NAV1: variants seen among roughly 807,000 people sequenced by gnomAD.
NAV1 encodes the protein neuron navigator 1, also known as pore membrane and/or filament interacting like protein 3.
NAV1 carries 18 observed loss-of-function variants against 175.2 expected under a neutral mutation model. That is an observed-to-expected ratio of 0.10 (90% CI 0.07 to 0.15). The LOEUF (loss-of-function observed/expected upper bound fraction) is 0.15. NAV1 is among the 10% of genes least tolerant of loss of function. NAV1 has a pLI of 1.00. For missense variants in NAV1, 1,731 were observed against 2,436.6 expected (o/e 0.71, Z 6.10); for synonymous variants, 897 against 978.7 (o/e 0.92, Z 1.56).
chr1:201,712,686 G>A, intron 1 of NAV1, 131 bp from the exon 6 acceptor site: 2 of 683,800 alleles, frequency 2.9e-6, no homozygotes, highest in South Asian at 1.6e-5. Flanking sequence ...TTGGGAAAGG[G>A]AGGAGGAAGG....
chr1:201,627,812 TC>T (rs988962697), intron 1 of NAV1, among the ~76,000 whole-genome samples: 1 of 152,018 alleles, frequency 6.6e-6, no homozygotes, highest in Non-Finnish European at 1.5e-5. Flanking sequence ...TCTTTCTTTA[TC>T]CCCTTGGCAC....
At position 201,718,326 on chromosome 1, in the gene NAV1, T is replaced by G; in HGVS notation, c.861-64T>G. 1 of 1,438,076 alleles carries G rather than the reference T, an allele frequency of 7.0e-7. No homozygotes were observed. The highest frequency in any genetic ancestry group is 9.1e-7 in the Non-Finnish European group (1 of 1,093,536). The allele number at this position is 1,438,076 out of a possible 1,614,324, so 89.1% of individuals were successfully genotyped here. A position where few individuals can be genotyped will look rare whatever the true frequency, so the allele number is the denominator to read the frequency against. ...AGGGGAGGCATTGCTGGGGTGCATG[T>G]GAGGGGACAGGGCACACGGCGGCTG... On this transcript the variant is annotated intron_variant, in intron 2 of 29. Transcript: ENST00000367296. This position sits in a 1 kb window ranked among gnomAD's most constrained non-coding sequence, Gnocchi z 4.8.
rs34841837 is a variant in NAV1 at position 201,785,788 on chromosome 1, C to CTTTTTT, written c.2846+454_2846+459dup. 8.4e-4 allele frequency among the ~76,000 whole-genome samples: 84 copies of CTTTTTT among 99,520 alleles called. 2 individuals carry two copies. The highest frequency in any genetic ancestry group is 1.0e-3 in the Non-Finnish European group (56 of 53,630). The allele number at this position is 99,520 out of a possible 152,430, so 65.3% of individuals were successfully genotyped here. A position where few individuals can be genotyped will look rare whatever the true frequency, so the allele number is the denominator to read the frequency against. On this transcript the variant is annotated intron_variant, in intron 8 of 29. Transcript: ENST00000367296. Reference sequence around the variant, plus strand: ...TTCAGTTGGGTGGCAACTATTGCAACTTTTTTTTTTTTTTTTTTTTTTGAG... The same window carrying CTTTTTT: ...TTCAGTTGGGTGGCAACTATTGCAACTTTTTTTTTTTTTTTTTTTTTTTTTTTTGAG...
At chr1:201,746,302 A>G (rs1033570057) in intron 3 of NAV1, among the ~76,000 whole-genome samples, 1 of 152,342 alleles carries the variant, frequency 6.6e-6, no homozygotes, top group Middle Eastern at 3.4e-3. Context: ...TACCACTGTA[A>G]GAGCTAATAT....
At chr1:201,609,099 C>T (rs56112672) in intron 2 of NAV1, among the ~76,000 whole-genome samples, 10,133 of 152,300 alleles carry the variant, frequency 0.067, 364 homozygotes, top group African/African-American at 0.09. Flanking sequence ...AGATGCTTAG[C>T]GCTGGAGTCC....
chr1:201,762,443 A>G (rs1241729934), intron 3 of NAV1, among the ~76,000 whole-genome samples: 3 of 152,224 alleles, frequency 2.0e-5, no homozygotes, highest in Non-Finnish European at 4.4e-5. Context: ...CTGCAAGCTG[A>G]GAGTGGATTT....
Position 201,812,675 on chromosome 1 carries a change from G to A in NAV1, c.5221+14G>A, listed in dbSNP as rs998344619. 6.2e-7 allele frequency: 1 copy of A among 1,609,902 alleles called. No individual in the cohort carries two copies. The highest frequency in any genetic ancestry group is 1.3e-5 in the African/African-American group (1 of 74,958). ...ACTTCCTCATCGGTACTGGGGTCCA[G>A]CTTCCCCCGGGGGTCAGGAGGTGGC... On this transcript the variant is annotated intron_variant, in intron 27 of 29. Transcript: ENST00000367296. The surrounding 1 kb of genome is among the most constrained non-coding windows in gnomAD (Gnocchi z 4.6).
At chr1:201,725,944 C>T (rs1032895280) in intron 3 of NAV1, among the ~76,000 whole-genome samples, 2 of 152,084 alleles carry the variant, frequency 1.3e-5, no homozygotes, top group African/African-American at 4.8e-5. Flanking sequence ...GCGACAAAGA[C>T]CCTGTCTCTA....
chr1:201,808,590 G>A lies in NAV1; in HGVS notation c.4018G>A (p.Glu1340Lys). The change falls in exon 19 of 30, where the codon GAG becomes AAG. Residue 1340 changes from glutamate (E) to lysine (K), a missense_variant. Coordinates refer to ENST00000367296, the Ensembl canonical transcript of NAV1. This position sits in a 1 kb window ranked among gnomAD's most constrained non-coding sequence, Gnocchi z 5.5. ...TGCCCACCAACTGGATCAGCTTCGG[G>A]AGACCATGCACAACATGCAGGTCAG... The A allele has an allele frequency of 1.2e-6, 2 of 1,614,220 alleles. No homozygotes were observed. The highest frequency in any genetic ancestry group is 1.7e-6 in the Non-Finnish European group (2 of 1,180,044).
At chr1:201,681,000 C>T (rs1670443940) in intron 1 of NAV1, among the ~76,000 whole-genome samples, 1 of 152,160 alleles carries the variant, frequency 6.6e-6, no homozygotes, top group Admixed American at 6.5e-5. Flanking sequence ...CTTTCGTCCC[C>T]AGCCATTGTC....
chr1:201,776,735 C>G (rs1422480598), intron 3 of NAV1, among the ~76,000 whole-genome samples: 1 of 149,542 alleles, frequency 6.7e-6, no homozygotes, highest in Non-Finnish European at 1.5e-5. Context: ...AACTGAATTA[C>G]AAATACTCTA....
intron 3 of NAV1, among the ~76,000 whole-genome samples, chr1:201,764,778 A>T (rs1246492881): frequency 2.0e-5 from 3 of 152,270 alleles, no homozygotes; most frequent in Non-Finnish European, 2.9e-5. Context: ...TGAAAGTATG[A>T]TCAGATACCA....
At chr1:201,758,692 C>T (rs935572625) in intron 3 of NAV1, among the ~76,000 whole-genome samples, 1 of 152,198 alleles carries the variant, frequency 6.6e-6, no homozygotes, top group Non-Finnish European at 1.5e-5. Context: ...AGTGGAACAC[C>T]GTTTGGAAAG....
chr1:201,774,504 A>T (rs1675811042), intron 3 of NAV1, among the ~76,000 whole-genome samples: 1 of 152,216 alleles, frequency 6.6e-6, no homozygotes. Context: ...AAAAAAAATC[A>T]TCTAGCCCAG....
intron 2 of NAV1, among the ~76,000 whole-genome samples, chr1:201,613,347 C>T (rs1254569883): frequency 6.6e-6 from 1 of 150,482 alleles, no homozygotes; most frequent in African/African-American, 2.4e-5. Flanking sequence ...TATTTGTACT[C>T]AAATAAGAAA....
chr1:201,658,832 A>G (rs1375663438), intron 1 of NAV1, among the ~76,000 whole-genome samples: 1 of 152,218 alleles, frequency 6.6e-6, no homozygotes, highest in East Asian at 1.9e-4. Context: ...CAGTGCCCAC[A>G]TGGGATGGAT....
At chr1:201,783,903 A>C in intron 7 of NAV1, 51 bp downstream of exon 11, 6 of 1,515,862 alleles carry the variant, frequency 4.0e-6, no homozygotes, top group Non-Finnish European at 5.3e-6. Flanking sequence ...TCTTGGGCTC[A>C]TTTTGCCATT....
At chr1:201,561,830 G>A (rs1666209077) in intron 1 of NAV1, among the ~76,000 whole-genome samples, 1 of 152,176 alleles carries the variant, frequency 6.6e-6, no homozygotes, top group Admixed American at 6.5e-5. Flanking sequence ...CCTGCAGGCT[G>A]GGGCTCTGTT....
chr1:201,749,232 TTTCAGCCCAATGA>T (rs1673955628), intron 3 of NAV1, among the ~76,000 whole-genome samples: 1 of 152,212 alleles, frequency 6.6e-6, no homozygotes, highest in Non-Finnish European at 1.5e-5. Context: ...GGCCATGTGA[TTTCAGCCCAATGA>T]TTCAGCAATA....
Sources: allele counts gnomAD v4.1 joint callset (sites outside exome capture counted in the v4.1 genomes callset), GRCh38; gene constraint gnomAD v4.1.1; non-coding constraint Gnocchi (gnomAD v3.1); transcripts MANE v1.5; gene names NCBI Gene and HGNC (gene_info 2026-07-23, HGNC 2026-07-21).